CHD3: variants seen among roughly 807,000 people sequenced by gnomAD.
The protein encoded by CHD3 is ATP-dependent chromatin remodeler CHD3.
A neutral mutation model predicts 248.9 loss-of-function variants in CHD3; 52 were observed. That is an observed-to-expected ratio of 0.21 (90% confidence interval 0.17 to 0.26). The LOEUF is 0.26. Ranked by LOEUF, CHD3 falls within the 10% of genes least tolerant of loss-of-function variation. CHD3 has a pLI of 1.00. For synonymous variants in CHD3, 985 were observed against 985.2 expected (o/e 1.00, Z 0.00); for missense variants, 1,482 against 2,605.8 (o/e 0.57, Z 9.39).
In CHD3 at chr17:7,899,822, A is replaced by G. The variant is rs1362783176; in HGVS notation, c.2545-74A>G. ...TCCTGTTGGGAGCCACAGTCAGGAC[A>G]AGGTGTCTGGTTCTGGAGGTGTAGG... On this transcript the variant is annotated intron_variant, in intron 15 of 39. Transcript: ENST00000330494. This position sits in a 1 kb window ranked among gnomAD's most constrained non-coding sequence, Gnocchi z 6.8. The G allele has an allele frequency of 1.9e-6, 3 of 1,559,446 alleles. No individual in the cohort carries two copies. The highest frequency in any genetic ancestry group is 2.3e-4 in the Middle Eastern group (1 of 4,342).
upstream of CHD3, chr17:7,885,179 G>T: frequency 1.0e-6 from 1 of 978,444 alleles, no homozygotes; most frequent in Non-Finnish European, 1.2e-6. Flanking sequence ...CGGCCGAGCC[G>T]AGGCGAATCC....
Position 7,910,492 on chromosome 17 carries a change from G to A in CHD3, c.5655G>A (p.Thr1885=), listed in dbSNP as rs369027043. The A allele has an allele frequency of 5.9e-5, 95 of 1,613,846 alleles. No homozygotes were observed. Among genetic ancestry groups the A allele is most frequent in the Admixed American group, 5.2e-4 (31 of 59,990 alleles). ...CGGACGTGACCCGCCTGCCAGCCACGCTGTCCCGAATACCCCCCATCGCAG... is the reference window on the plus strand; with the variant it reads ...CGGACGTGACCCGCCTGCCAGCCACACTGTCCCGAATACCCCCCATCGCAG... ...MKADVTRLPA[T]LSRIPPIAAR... The change falls in exon 38 of 40, where the codon ACG becomes ACA. Residue 1885 remains threonine, a synonymous_variant. Coordinates refer to ENST00000330494, the MANE Select transcript of CHD3 (RefSeq NM_001005273.3). The surrounding 1 kb of genome is among the most constrained non-coding windows in gnomAD (Gnocchi z 4.7).
rs762514958 is a variant in CHD3, at chr17:7,901,423, C to A, written c.3252+48C>A. 9 of 1,492,834 alleles carry A rather than the reference C, an allele frequency of 6.0e-6. No individual in the cohort carries two copies. The South Asian group carries it at 9.7e-5, about 16-fold the overall frequency. The allele number at this position is 1,492,834 out of a possible 1,614,324, so 92.5% of individuals were successfully genotyped here. A position where few individuals can be genotyped will look rare whatever the true frequency, so the allele number is the denominator to read the frequency against. ...TTTACATCTGCTTCCTCTTCCCTCTCCTCATCCTCCAGACTTTAATTTCTT... is the reference window on the plus strand; with the variant it reads ...TTTACATCTGCTTCCTCTTCCCTCTACTCATCCTCCAGACTTTAATTTCTT... On this transcript the variant is annotated intron_variant, in intron 20 of 39. Transcript: ENST00000330494.
rs1273808987 is a variant in CHD3 at position 7,903,516 on chromosome 17, T to C, written c.3727+13T>C. 6.3e-7 allele frequency: 1 copy of C among 1,598,150 alleles called. No individual in the cohort carries two copies. The highest frequency in any genetic ancestry group is 1.1e-5 in the South Asian group (1 of 89,790). ...GATGAAAACGAGGGTGAGAACCTTT[T>C]CTGCAGCTCTGTGAAAGCAGGCCCC... On this transcript the variant is annotated intron_variant, in intron 23 of 39. Coordinates refer to ENST00000330494, the MANE Select transcript of CHD3 (RefSeq NM_001005273.3). This position sits in a 1 kb window ranked among gnomAD's most constrained non-coding sequence, Gnocchi z 6.8.
At chr17:7,898,423 C>A (rs566388945) in intron 12 of CHD3, 73 bp from the exon 13 acceptor site, 14 of 1,124,966 alleles carry the variant, frequency 1.2e-5, no homozygotes, top group Non-Finnish European at 1.8e-5. Flanking sequence ...GGAAGTAGGT[C>A]TGGAATGGGT....
At position 7,892,860 on chromosome 17, in the gene CHD3, A is replaced by G. The variant is rs1474462119; in HGVS notation, c.510-426A>G. On this transcript the variant is annotated intron_variant, in intron 4 of 39. Transcript: ENST00000330494. Reference sequence around the variant, plus strand: ...CAGGCTGCACTGCAGTGGTGTGATCATAGCTCACTATATCCTCCAACTCCT... The same window carrying G: ...CAGGCTGCACTGCAGTGGTGTGATCGTAGCTCACTATATCCTCCAACTCCT... 5.9e-5 allele frequency among the ~76,000 whole-genome samples: 9 copies of G among 152,072 alleles called. No individual in the cohort carries two copies. The East Asian group carries it at 1.5e-3, about 26-fold the overall frequency.
At chr17:7,890,459 ACTATCAC>A (rs1968675734) in intron 2 of CHD3, 105 bp from the exon 3 acceptor site, 9 of 751,004 alleles carry the variant, frequency 1.2e-5, no homozygotes, top group Non-Finnish European at 4.1e-6. Flanking sequence ...AAAATTAGTT[ACTATCAC>A]AGGATTGTTG....
In CHD3 at chr17:7,908,923, C is replaced by T. The variant is rs1347152206; in HGVS notation, c.5394+94C>T. Reference sequence around the variant, plus strand: ...GGAACCTAGGGAAGGTTAACACCTTCAGGGCTGAGGTGATACCTGGGGCCA... The same window carrying T: ...GGAACCTAGGGAAGGTTAACACCTTTAGGGCTGAGGTGATACCTGGGGCCA... On this transcript the variant is annotated intron_variant, in intron 36 of 39. Transcript: ENST00000330494. This position sits in a 1 kb window ranked among gnomAD's most constrained non-coding sequence, Gnocchi z 5.8. 6.5e-7 allele frequency: 1 copy of T among 1,547,376 alleles called. No individual in the cohort carries two copies. Among genetic ancestry groups the T allele is most frequent in the Non-Finnish European group, 8.9e-7 (1 of 1,128,540 alleles).
rs1969531167 is a variant in CHD3, at chr17:7,895,635, CTT to C, written c.1707+95_1707+96del. On this transcript the variant is annotated intron_variant, in intron 10 of 39. Transcript: ENST00000330494. The surrounding 1 kb of genome is among the most constrained non-coding windows in gnomAD (Gnocchi z 4.9). ...CCTCTGTTTGTTGGGTTCCCATACT[CTT>C]TGTTTTCTCTCATTTCAGGCCTGTG... 5 of 1,148,872 alleles carry C rather than the reference CTT, an allele frequency of 4.4e-6. No homozygotes were observed. The Admixed American group carries it at 1.0e-4, about 24-fold the overall frequency. The allele number at this position is 1,148,872 out of a possible 1,614,324, so 71.2% of individuals were successfully genotyped here. A position where few individuals can be genotyped will look rare whatever the true frequency, so the allele number is the denominator to read the frequency against.
rs1004322728 is a variant in CHD3 at position 7,894,320 on chromosome 17, T to G, written c.1075+55T>G. ...TCAGTGGGCCGTCCTCTCATTCTTA[T>G]TTTCAATTTTGACTTCTCTCTTCAA... On this transcript the variant is annotated intron_variant, in intron 7 of 39. Transcript: ENST00000330494. 7.5e-6 allele frequency: 12 copies of G among 1,594,110 alleles called. No homozygotes were observed. The South Asian group carries it at 1.1e-4, about 15-fold the overall frequency.
In CHD3 at chr17:7,908,577, T is replaced by A. The variant is rs1971276280; in HGVS notation, c.5261+67T>A. On this transcript the variant is annotated intron_variant, in intron 35 of 39. Transcript: ENST00000330494. The surrounding 1 kb of genome is among the most constrained non-coding windows in gnomAD (Gnocchi z 5.8). ...AGCTGGCAAAAAAAAAAAAGATGAT[T>A]TCACACCCAGGGACAGGGCTAGTGC... 6 of 1,581,468 alleles carry A rather than the reference T, an allele frequency of 3.8e-6. No individual in the cohort carries two copies. Among genetic ancestry groups the A allele is most frequent in the Non-Finnish European group, 5.2e-6 (6 of 1,152,782 alleles).
Position 7,907,921 on chromosome 17 carries a change from G to A in CHD3, c.5054G>A (p.Arg1685Gln), listed in dbSNP as rs763890842. The change falls in exon 34 of 40, where the codon CGA becomes CAA. Residue 1685 changes from arginine to glutamine, a missense_variant. Coordinates refer to ENST00000330494, the MANE Select transcript of CHD3 (RefSeq NM_001005273.3). The surrounding 1 kb of genome is among the most constrained non-coding windows in gnomAD (Gnocchi z 4.3). Reference protein sequence around the residue: ...REDVKGDRELRPGPRDEPRSN... With the variant: ...REDVKGDRELQPGPRDEPRSN... The stretch of plus-strand genomic sequence containing the variant: ...GATGTAAAAGGTGACCGGGAGCTTC[G>A]ACCAGGGCCTCGAGATGAGCCACGG... The A allele has an allele frequency of 3.7e-6, 6 of 1,612,466 alleles. No individual in the cohort carries two copies. Among genetic ancestry groups the A allele is most frequent in the East Asian group, 2.2e-5 (1 of 44,814 alleles).
In CHD3 at chr17:7,909,984, A is replaced by T. The variant is rs1971448833; in HGVS notation, c.5591-444A>T. ...CCTTCTAACCTCCCTCTCCCCTTAC[A>T]TATTAAAACCGTGATTCCTTAAAGC... On this transcript the variant is annotated intron_variant, in intron 37 of 39. Transcript: ENST00000330494. This position sits in a 1 kb window ranked among gnomAD's most constrained non-coding sequence, Gnocchi z 8.1. The T allele has an allele frequency of 7.6e-6, 2 of 261,658 alleles. No homozygotes were observed. Among genetic ancestry groups the T allele is most frequent in the African/African-American group, 4.6e-5 (2 of 43,388 alleles). 16.2% of individuals were successfully genotyped at this position (261,658 alleles called of 1,614,324 possible).
Position 7,894,541 on chromosome 17 carries a change from A to G in CHD3, c.1202A>G (p.Tyr401Cys). 1 of 1,614,024 alleles carries G rather than the reference A, an allele frequency of 6.2e-7. No homozygotes were observed. Among genetic ancestry groups the G allele is most frequent in the East Asian group, 2.2e-5 (1 of 44,868 alleles). Residue 401 changes from tyrosine (Y) to cysteine (C), a missense_variant, in exon 8 of 40, where the codon TAC becomes TGC. Coordinates refer to ENST00000330494, the MANE Select transcript of CHD3 (RefSeq NM_001005273.3). The stretch of plus-strand genomic sequence containing the variant: ...CTGTGTGACACCTGCCCTCGTGCCT[A>G]CCACCTCGTCTGCCTTGATCCTGAG... ...IILCDTCPRA[Y>C]HLVCLDPELD...
At position 7,897,043 on chromosome 17, in the gene CHD3, G is replaced by A. The variant is rs1969770341; in HGVS notation, c.1708-40G>A. On this transcript the variant is annotated intron_variant, in intron 10 of 39. Coordinates refer to ENST00000330494, the MANE Select transcript of CHD3 (RefSeq NM_001005273.3). This position sits in a 1 kb window ranked among gnomAD's most constrained non-coding sequence, Gnocchi z 4.8. ...CGGTTCCTTGTTGTCCTCTGTGAGTGTCAGGACTATCTCTTTCCCTTTTTT... is the reference window on the plus strand; with the variant it reads ...CGGTTCCTTGTTGTCCTCTGTGAGTATCAGGACTATCTCTTTCCCTTTTTT... 6.4e-7 allele frequency: 1 copy of A among 1,554,764 alleles called. No individual in the cohort carries two copies. The highest frequency in any genetic ancestry group is 8.9e-7 in the Non-Finnish European group (1 of 1,126,236).
chr17:7,885,197 G>A (rs1295955340), upstream of CHD3: 13 of 950,460 alleles, frequency 1.4e-5, no homozygotes, highest in Non-Finnish European at 1.6e-5. Flanking sequence ...TCCGGAGCGC[G>A]AATCCGGGGC....
In CHD3 at chr17:7,906,755, T is replaced by C; in HGVS notation, c.4503+58T>C. On this transcript the variant is annotated intron_variant, in intron 29 of 39. Transcript: ENST00000330494. This position sits in a 1 kb window ranked among gnomAD's most constrained non-coding sequence, Gnocchi z 5.0. ...CTGGCTGCCTAGTCTCTGTCCTTCC[T>C]CTGCCTCTGTCCCTGAGTTGTAAGC... 1 of 1,583,160 alleles carries C rather than the reference T, an allele frequency of 6.3e-7. No homozygotes were observed. The highest frequency in any genetic ancestry group is 8.6e-7 in the Non-Finnish European group (1 of 1,163,314).
chr17:7,907,818 A>G lies in CHD3; in HGVS notation c.5027-76A>G. ...TAGCTGTTTGAAAGGCCAGTACAGT[A>G]CAGTACAGATAGTAGTCTTGGGACC... On this transcript the variant is annotated intron_variant, in intron 33 of 39. Transcript: ENST00000330494. This position sits in a 1 kb window ranked among gnomAD's most constrained non-coding sequence, Gnocchi z 4.3. 1 of 1,559,984 alleles carries G rather than the reference A, an allele frequency of 6.4e-7. No individual in the cohort carries two copies. The highest frequency in any genetic ancestry group is 8.7e-7 in the Non-Finnish European group (1 of 1,151,098).
In CHD3 at chr17:7,894,886, T is replaced by C. The variant is rs529502448; in HGVS notation, c.1270-31T>C. 3.7e-6 allele frequency: 6 copies of C among 1,608,810 alleles called. No individual in the cohort carries two copies. The African/African-American group carries it at 4.0e-5, about 11-fold the overall frequency. On this transcript the variant is annotated intron_variant, in intron 8 of 39. Transcript: ENST00000330494. ...CAGTTTCATTCCTTAATTTCTTCCA[T>C]CTGTCTGTGTGTCTATCCTTGGCCC... is the stretch of plus-strand genomic sequence containing the variant.
Sources: gnomAD v4.1 joint callset for allele counts (sites outside exome capture counted in the v4.1 genomes callset) on GRCh38, gnomAD v4.1.1 for gene constraint, Gnocchi (gnomAD v3.1) non-coding constraint, MANE v1.5 for transcripts, NCBI Gene and HGNC (gene_info 2026-07-23, HGNC 2026-07-21) for gene names.